CNTLN: variants seen among roughly 807,000 people sequenced by gnomAD.
CNTLN encodes the protein centlein, centrosomal protein.
Under a neutral mutation model 180.0 loss-of-function variants are expected in CNTLN, and 212 were observed. The observed-to-expected ratio is 1.18, with a 90% CI of 1.05 to 1.32. CNTLN has a LOEUF of 1.32. Among genes scored for constraint, CNTLN ranks in the 40% most tolerant of loss-of-function variants. CNTLN has a pLI of 0.00. For synonymous variants in CNTLN, 722 were observed against 563.1 expected (o/e 1.28, Z -3.99); for missense variants, 2,095 against 1,610.9 (o/e 1.30, Z -5.14).
chr9:17,155,858 G>A (rs1819244914), intron 2 of CNTLN, among the ~76,000 whole-genome samples: 1 of 152,164 alleles, frequency 6.6e-6, no homozygotes. Flanking sequence ...GAAACCCAGG[G>A]CCCTGGTGGG....
At position 17,484,281 on chromosome 9, in the gene CNTLN, C is replaced by A. The variant is rs376595298; in HGVS notation, c.3856-14C>A. Reference sequence around the variant, plus strand: ...ACTTTAATATAAGCTCAATTTCTTTCCAATATGTTACAGGCTTTGGCCAAA... The same window carrying A: ...ACTTTAATATAAGCTCAATTTCTTTACAATATGTTACAGGCTTTGGCCAAA... On this transcript the variant is annotated splice_polypyrimidine_tract_variant and intron_variant, in intron 23 of 25. Coordinates refer to ENST00000380647, the MANE Select transcript of CNTLN (RefSeq NM_017738.4). The A allele has an allele frequency of 8.3e-6, 13 of 1,565,744 alleles. No homozygotes were observed. The Admixed American group carries it at 8.6e-5, about 10-fold the overall frequency.
chr9:17,246,453 C>T (rs1029668961), intron 5 of CNTLN, among the ~76,000 whole-genome samples: 1 of 152,166 alleles, frequency 6.6e-6, no homozygotes, highest in African/African-American at 2.4e-5. Flanking sequence ...GTGACACAAG[C>T]ACCCCTGTGA....
chr9:17,378,373 G>A (rs994861935), intron 13 of CNTLN, among the ~76,000 whole-genome samples: 1 of 151,986 alleles, frequency 6.6e-6, no homozygotes, highest in East Asian at 1.9e-4. Context: ...TAGAGATGGG[G>A]TTTCACCATG....
intron 2 of CNTLN, among the ~76,000 whole-genome samples, chr9:17,215,050 A>G (rs765059953): frequency 2.6e-5 from 4 of 151,888 alleles, no homozygotes; most frequent in Non-Finnish European, 4.4e-5. Flanking sequence ...TCTTTTCTCA[A>G]CTCGTTAAAG....
intron 12 of CNTLN, among the ~76,000 whole-genome samples, chr9:17,365,722 G>A (rs983710359): frequency 8.5e-5 from 13 of 152,168 alleles, no homozygotes; most frequent in African/African-American, 2.9e-4. Flanking sequence ...CATTTTGGGA[G>A]GCCAAGATGA....
the CNTLN span, among the ~76,000 whole-genome samples, chr9:17,524,900 C>T: frequency 2.6e-5 from 4 of 152,186 alleles, no homozygotes; most frequent in Admixed American, 2.0e-4. Context: ...TTACTGTCCA[C>T]TTGTCCTGTT....
At chr9:17,192,537 G>C (rs78740123) in intron 2 of CNTLN, among the ~76,000 whole-genome samples, 3,053 of 152,204 alleles carry the variant, frequency 0.02, 101 homozygotes, top group African/African-American at 0.07. Flanking sequence ...ACGTCCCGCT[G>C]AGGTAGGCCC....
intron 2 of CNTLN, among the ~76,000 whole-genome samples, chr9:17,164,600 C>A (rs1459890624): frequency 6.7e-6 from 1 of 149,526 alleles, no homozygotes; most frequent in Non-Finnish European, 1.5e-5. Flanking sequence ...GCGTGCTCCA[C>A]AACAGCCAGC....
chr9:17,297,361 A>T (rs879525620), intron 6 of CNTLN, among the ~76,000 whole-genome samples: 1 of 152,222 alleles, frequency 6.6e-6, no homozygotes, highest in Non-Finnish European at 1.5e-5. Context: ...TCCCATAGAT[A>T]ATAAGAGACT....
In CNTLN at chr9:17,298,225, A is replaced by G; in HGVS notation, c.1019A>G (p.Gln340Arg). Residue 340 changes from glutamine to arginine, a missense_variant, in exon 7 of 26, where the codon CAG becomes CGG. Transcript: ENST00000380647. ...CAGGAGCTGCAGAATCTTTACAAAC[A>G]GAACAGTACACATACAGCCCAGCAA... ...ELQELQNLYK[Q>R]NSTHTAQQAE... 6.4e-7 allele frequency: 1 copy of G among 1,559,482 alleles called. No homozygotes were observed.
At chr9:17,281,126 T>C (rs574632637) in intron 6 of CNTLN, among the ~76,000 whole-genome samples, 1 of 152,178 alleles carries the variant, frequency 6.6e-6, no homozygotes, top group Non-Finnish European at 1.5e-5. Flanking sequence ...AATGGCTTAT[T>C]TTTTGTACTT....
intron 12 of CNTLN, among the ~76,000 whole-genome samples, chr9:17,363,192 C>T (rs954050675): frequency 2.0e-5 from 3 of 152,234 alleles, no homozygotes; most frequent in Non-Finnish European, 4.4e-5. Flanking sequence ...CATACAAGTG[C>T]GTGTGCCTTT....
chr9:17,486,774 G>C lies in CNTLN; in HGVS notation c.4042-215G>C, dbSNP rs78048142. On this transcript the variant is annotated intron_variant, in intron 24 of 25. Coordinates refer to ENST00000380647, the MANE Select transcript of CNTLN (RefSeq NM_017738.4). The stretch of plus-strand genomic sequence containing the variant: ...AGAAATTAAATATTTCTGAATTACT[G>C]TGAAGTATATAAATATAGCTATATC... Among the ~76,000 whole-genome samples, 4,056 of 152,104 alleles carry C rather than the reference G, an allele frequency of 0.027. 84 individuals are homozygous for C. The highest frequency in any genetic ancestry group is 0.045 in the Non-Finnish European group (3,042 of 67,968).
At chr9:17,315,759 CTATATTGAATTCT>C (rs1299060096) in intron 8 of CNTLN, among the ~76,000 whole-genome samples, 4 of 151,964 alleles carry the variant, frequency 2.6e-5, no homozygotes, top group African/African-American at 9.7e-5. Context: ...TTTTACCCAT[CTATATTGAATTCT>C]TGAATAGAAT....
intron 2 of CNTLN, among the ~76,000 whole-genome samples, chr9:17,175,148 A>G (rs1820644474): frequency 6.6e-6 from 1 of 152,286 alleles, no homozygotes; most frequent in African/African-American, 2.4e-5. Context: ...ATTTTGATGA[A>G]GTCCAATTTT....
intron 2 of CNTLN, among the ~76,000 whole-genome samples, chr9:17,165,760 A>G (rs1188192211): frequency 6.6e-6 from 1 of 152,226 alleles, no homozygotes; most frequent in Non-Finnish European, 1.5e-5. Flanking sequence ...GAACAGTGGG[A>G]CACTAACTGA....
chr9:17,528,411 A>T, the CNTLN span, among the ~76,000 whole-genome samples: 1 of 152,226 alleles, frequency 6.6e-6, no homozygotes, highest in Admixed American at 6.5e-5. Context: ...AGGACATTAG[A>T]CAAACGCCAG....
Position 17,212,887 on chromosome 9 carries a change from G to T in CNTLN, c.450-13316G>T, listed in dbSNP as rs1823434900. On this transcript the variant is annotated intron_variant, in intron 2 of 25. Transcript: ENST00000380647. The stretch of plus-strand genomic sequence containing the variant: ...CTGATGGTAATTTGTATTTCTGTGG[G>T]ATCGGTGGTGATATCCCCTTTATCA... 2.0e-5 allele frequency among the ~76,000 whole-genome samples: 3 copies of T among 152,106 alleles called. No individual in the cohort carries two copies. In the South Asian group the frequency reaches 6.2e-4, roughly 32 times the overall value.
At chr9:17,461,047 TG>T (rs1346354390) in intron 19 of CNTLN, among the ~76,000 whole-genome samples, 2 of 151,632 alleles carry the variant, frequency 1.3e-5, no homozygotes, top group Admixed American at 1.3e-4. Context: ...AAGCACAGTC[TG>T]GGACCATTTA....
Sources: gnomAD v4.1 joint callset for allele counts (sites outside exome capture counted in the v4.1 genomes callset) on GRCh38, gnomAD v4.1.1 for gene constraint, MANE v1.5 for transcripts, NCBI Gene and HGNC (gene_info 2026-07-23, HGNC 2026-07-21) for gene names.